The following MGAT4C variants were observed in gnomAD, a reference collection of about 807,000 sequenced individuals.
The protein encoded by MGAT4C is MGAT4 family member C.
In MGAT4C, 19 loss-of-function variants were observed where a neutral mutation model predicts 40.1. The observed-to-expected ratio is 0.47, with a 90% CI of 0.33 to 0.70. MGAT4C has a LOEUF of 0.70. Among genes scored for constraint, MGAT4C ranks in the 30% least tolerant of loss-of-function variants. The pLI, the probability that MGAT4C is intolerant of heterozygous loss-of-function variation, is 0.02. For missense variants in MGAT4C, 491 were observed against 563.2 expected, an observed-to-expected ratio of 0.87 and a Z score of 1.30; for synonymous variants, 181 against 187.1, an observed-to-expected ratio of 0.97 and a Z score of 0.27.
intron 1 of MGAT4C, among the ~76,000 whole-genome samples, chr12:86,154,141 G>A (rs879731683): frequency 6.6e-6 from 1 of 152,134 alleles, no homozygotes; most frequent in Middle Eastern, 3.2e-3. Context: ...TCATTACCAT[G>A]AATTGTATTT....
At chr12:86,555,354 G>A (rs1050014105) in intron 2 of MGAT4C, among the ~76,000 whole-genome samples, 2 of 152,166 alleles carry the variant, frequency 1.3e-5, no homozygotes, top group Non-Finnish European at 2.9e-5. Context: ...AAATACAAAT[G>A]GGACATTTTA....
intron 2 of MGAT4C, among the ~76,000 whole-genome samples, chr12:86,650,788 T>C (rs1341418003): frequency 2.0e-5 from 3 of 151,922 alleles, no homozygotes. Flanking sequence ...CCCTCATGTA[T>C]CACAAAGGGA....
intron 1 of MGAT4C, among the ~76,000 whole-genome samples, chr12:86,054,717 TA>T (rs148983465): frequency 1.3e-5 from 2 of 151,630 alleles, no homozygotes; most frequent in African/African-American, 4.8e-5. Context: ...TAAATTAGCT[TA>T]AAAAAACAAA....
At chr12:86,229,962 T>A (rs1285585647) in intron 1 of MGAT4C, among the ~76,000 whole-genome samples, 1 of 152,024 alleles carries the variant, frequency 6.6e-6, no homozygotes, top group African/African-American at 2.4e-5. Flanking sequence ...CACCCTCAAA[T>A]TCTGCTGACC....
intron 4 of MGAT4C, among the ~76,000 whole-genome samples, chr12:86,265,884 T>C (rs1272088442): frequency 2.6e-5 from 4 of 152,214 alleles, no homozygotes; most frequent in African/African-American, 4.8e-5. Context: ...TAGGTATTTA[T>C]ATTTATTTTT....
intron 2 of MGAT4C, among the ~76,000 whole-genome samples, chr12:86,597,472 G>T (rs1475824415): frequency 6.6e-6 from 1 of 152,200 alleles, no homozygotes; most frequent in African/African-American, 2.4e-5. Context: ...TGTCTGACTG[G>T]ATTTCCCACA....
At chr12:86,509,066 T>C (rs1287866270) in intron 2 of MGAT4C, among the ~76,000 whole-genome samples, 1 of 152,022 alleles carries the variant, frequency 6.6e-6, no homozygotes, top group African/African-American at 2.4e-5. Flanking sequence ...TTAGTTTAAT[T>C]AGATCCCATT....
At chr12:86,119,157 TTAAG>T (rs1291243947) in intron 1 of MGAT4C, among the ~76,000 whole-genome samples, 11 of 152,150 alleles carry the variant, frequency 7.2e-5, no homozygotes, top group African/African-American at 2.6e-4. Context: ...TAAATAAAAA[TTAAG>T]TAATAATTTT....
At chr12:86,550,041 C>T (rs1336853280) in intron 2 of MGAT4C, among the ~76,000 whole-genome samples, 4 of 152,130 alleles carry the variant, frequency 2.6e-5, no homozygotes, top group African/African-American at 9.7e-5. Context: ...CAGTTTCCCC[C>T]AAGCTGTTTT....
intron 2 of MGAT4C, among the ~76,000 whole-genome samples, chr12:86,685,263 G>A (rs1950053626): frequency 1.3e-5 from 2 of 152,136 alleles, no homozygotes; most frequent in South Asian, 4.1e-4. Context: ...TGGCTAGCCA[G>A]TTTTCCCAAC....
At chr12:86,704,273 A>G (rs1380232559) in intron 2 of MGAT4C, among the ~76,000 whole-genome samples, 2 of 152,126 alleles carry the variant, frequency 1.3e-5, no homozygotes, top group Non-Finnish European at 2.9e-5. Context: ...GCTATGGGTC[A>G]GCCCGTTGGC....
intron 2 of MGAT4C, among the ~76,000 whole-genome samples, chr12:86,706,150 T>C (rs143072026): frequency 0.011 from 1,694 of 152,266 alleles, 32 homozygotes; most frequent in African/African-American, 0.038. Flanking sequence ...CTTGCTGTGA[T>C]GATCTTAGAC....
chr12:86,615,968 C>T (rs1164477078), intron 2 of MGAT4C, among the ~76,000 whole-genome samples: 2 of 152,022 alleles, frequency 1.3e-5, no homozygotes, highest in Non-Finnish European at 2.9e-5. Context: ...TTTAATTTAG[C>T]TTGATCTTTT....
chr12:86,069,056 A>G (rs918411638), intron 1 of MGAT4C, among the ~76,000 whole-genome samples: 2 of 152,086 alleles, frequency 1.3e-5, no homozygotes, highest in African/African-American at 2.4e-5. Context: ...TCTAAAGCAG[A>G]TTGTCTCCTG....
chr12:86,392,992 C>A (rs1300228449), intron 3 of MGAT4C, among the ~76,000 whole-genome samples: 1 of 152,106 alleles, frequency 6.6e-6, no homozygotes, highest in Non-Finnish European at 1.5e-5. Context: ...CAATTTGCAT[C>A]TTTAAAAGAT....
chr12:86,093,764 CA>C lies in MGAT4C; in HGVS notation c.-56-44042del, dbSNP rs781358560. Among the ~76,000 whole-genome samples the C allele has an allele frequency of 7.7e-3, 1,170 of 151,384 alleles. 9 individuals carry two copies. The highest frequency in any genetic ancestry group is 0.012 in the Non-Finnish European group (787 of 67,786). ...ACAACAACAACAACAACAACAACAACAACAACAACACCTACAAGGCCCTTTT... is the reference window on the plus strand; with the variant it reads ...ACAACAACAACAACAACAACAACAACACAACAACACCTACAAGGCCCTTTT... On this transcript the variant is annotated intron_variant, in intron 1 of 4. Coordinates refer to ENST00000611864, the MANE Select transcript of MGAT4C (RefSeq NM_001351288.2).
intron 2 of MGAT4C, among the ~76,000 whole-genome samples, chr12:86,674,550 A>C (rs1964344056): frequency 6.6e-6 from 1 of 151,946 alleles, no homozygotes; most frequent in Non-Finnish European, 1.5e-5. Flanking sequence ...ACAAGAAACT[A>C]TCCAAGTATG....
At chr12:86,648,918 T>A (rs1197474469) in intron 2 of MGAT4C, among the ~76,000 whole-genome samples, 1 of 151,826 alleles carries the variant, frequency 6.6e-6, no homozygotes, top group South Asian at 2.1e-4. Flanking sequence ...CTATAGATTT[T>A]TTTCCTATGT....
At chr12:86,678,242 C>T (rs1411414788) in intron 2 of MGAT4C, among the ~76,000 whole-genome samples, 1 of 151,966 alleles carries the variant, frequency 6.6e-6, no homozygotes, top group Admixed American at 6.6e-5. Flanking sequence ...CAGTCAATGG[C>T]GCCACCATCC....
Sources: allele counts gnomAD v4.1 joint callset (sites outside exome capture counted in the v4.1 genomes callset), GRCh38; gene constraint gnomAD v4.1.1; transcripts MANE v1.5; gene names NCBI Gene and HGNC (gene_info 2026-07-23, HGNC 2026-07-21).